The following PCDH9 variants were observed in gnomAD, a reference collection of about 807,000 sequenced individuals.
The protein encoded by PCDH9 is protocadherin-9.
PCDH9 carries 24 observed loss-of-function variants against 70.6 expected under a neutral mutation model. The observed-to-expected ratio is 0.34, with a 90% confidence interval of 0.25 to 0.48. The LOEUF (loss-of-function observed/expected upper bound fraction) is 0.48. Ranked by LOEUF, PCDH9 falls within the 20% of genes least tolerant of loss-of-function variation. The pLI, the probability that PCDH9 is intolerant of heterozygous loss-of-function variation, is 0.99. For missense variants in PCDH9, 1,281 were observed against 1,503.6 expected (o/e 0.85, Z 2.45); for synonymous variants, 562 against 558.5 (o/e 1.01, Z -0.09).
chr13:66,498,722 T>A (rs73209605), intron 4 of PCDH9, among the ~76,000 whole-genome samples: 2,164 of 152,010 alleles, frequency 0.014, 24 homozygotes, highest in East Asian at 0.071. Flanking sequence ...CTGAAAAAAT[T>A]TTTTTTTAAT....
intron 2 of PCDH9, among the ~76,000 whole-genome samples, chr13:67,040,134 T>C (rs1056797546): frequency 2.0e-5 from 3 of 152,214 alleles, no homozygotes; most frequent in Admixed American, 2.0e-4. Flanking sequence ...AAACTCAGAA[T>C]TGGGCTATTT....
At chr13:66,337,586 G>T (rs1434818181) in intron 4 of PCDH9, among the ~76,000 whole-genome samples, 1 of 127,182 alleles carries the variant, frequency 7.9e-6, no homozygotes, top group Non-Finnish European at 1.7e-5. Flanking sequence ...AACTCATCTG[G>T]AGGTACTTGT....
At chr13:66,906,343 A>C (rs944714355) in intron 2 of PCDH9, among the ~76,000 whole-genome samples, 1 of 152,222 alleles carries the variant, frequency 6.6e-6, no homozygotes, top group Non-Finnish European at 1.5e-5. Context: ...AACATGAAGA[A>C]TGTGAGGATT....
At chr13:66,427,325 C>G (rs1011026997) in intron 4 of PCDH9, among the ~76,000 whole-genome samples, 1 of 151,642 alleles carries the variant, frequency 6.6e-6, no homozygotes, top group East Asian at 1.9e-4. Context: ...ATTGACAAAA[C>G]AAGCAGAAAC....
chr13:66,869,821 T>A (rs568777475), intron 3 of PCDH9, among the ~76,000 whole-genome samples: 1 of 152,238 alleles, frequency 6.6e-6, no homozygotes, highest in East Asian at 1.9e-4. Context: ...TCACTACTAT[T>A]TCCTTAGTAG....
Position 67,226,468 on chromosome 13 carries a change from G to C in PCDH9, c.1973C>G (p.Thr658Ser), listed in dbSNP as rs2089873262. ...TDGGQPPRSS[T>S]AKVTINVMDV... ...CATGACGTTGATAGTTACTTTTGCA[G>C]TAGAGGAACGAGGTGGTTGTCCTCC... The change falls in exon 2 of 5, where the codon ACT becomes AGT. Residue 658 changes from threonine to serine, a missense_variant. Transcript: ENST00000377865. The surrounding 1 kb of genome is among the most constrained non-coding windows in gnomAD (Gnocchi z 5.0). 1 of 1,613,878 alleles carries C rather than the reference G, an allele frequency of 6.2e-7. No individual in the cohort carries two copies.
At chr13:66,405,630 T>C (rs1172163078) in intron 4 of PCDH9, among the ~76,000 whole-genome samples, 1 of 152,264 alleles carries the variant, frequency 6.6e-6, no homozygotes, top group East Asian at 1.9e-4. Context: ...AGAGGGTGAC[T>C]GAGCATGAAC....
At chr13:66,658,531 A>G (rs2077963007) in intron 3 of PCDH9, among the ~76,000 whole-genome samples, 1 of 152,102 alleles carries the variant, frequency 6.6e-6, no homozygotes, top group African/African-American at 2.4e-5. Flanking sequence ...TCTTTTCTCT[A>G]CAGCATTAAC....
At chr13:67,186,348 C>CA (rs1398697458) in intron 2 of PCDH9, among the ~76,000 whole-genome samples, 1 of 151,982 alleles carries the variant, frequency 6.6e-6, no homozygotes, top group Non-Finnish European at 1.5e-5. Flanking sequence ...TTTCAGGAAC[C>CA]AAAAACGTAT....
chr13:66,475,772 A>T (rs944313396), intron 4 of PCDH9, among the ~76,000 whole-genome samples: 1 of 152,066 alleles, frequency 6.6e-6, no homozygotes, highest in African/African-American at 2.4e-5. Context: ...GGGAGATGTA[A>T]GACCTACTTT....
chr13:66,688,201 T>C (rs1013405400), intron 3 of PCDH9, among the ~76,000 whole-genome samples: 1 of 152,182 alleles, frequency 6.6e-6, no homozygotes, highest in African/African-American at 2.4e-5. Flanking sequence ...ATTGACTCAA[T>C]GGATTTCATC....
Position 66,797,911 on chromosome 13 carries a change from A to G in PCDH9, c.3138+105593T>C, listed in dbSNP as rs17081862. Reference sequence around the variant, plus strand: ...GACTAAAACATGGTGTCCTCAGGTCATACACACAGAATGCATTAAACAATG... The same window carrying G: ...GACTAAAACATGGTGTCCTCAGGTCGTACACACAGAATGCATTAAACAATG... On this transcript the variant is annotated intron_variant, in intron 3 of 4. Coordinates refer to ENST00000377865, the MANE Select transcript of PCDH9 (RefSeq NM_203487.3). 8.6e-3 allele frequency among the ~76,000 whole-genome samples: 1,305 copies of G among 151,998 alleles called. 14 individuals carry two copies. The highest frequency in any genetic ancestry group is 0.029 in the African/African-American group (1,199 of 41,446).
rs993879326 is a variant in PCDH9, at chr13:66,474,416, T to C, written c.3340+156794A>G. 2.6e-5 allele frequency among the ~76,000 whole-genome samples: 4 copies of C among 152,126 alleles called. No individual in the cohort carries two copies. In the East Asian group the frequency reaches 7.7e-4, roughly 29 times the overall value. On this transcript the variant is annotated intron_variant, in intron 4 of 4. Coordinates refer to ENST00000377865, the MANE Select transcript of PCDH9 (RefSeq NM_203487.3). ...CGTACTGATCTGAAGCAGGGTACAA[T>C]AGATGGAGCTATGACTAACACAAGG...
At chr13:66,379,698 A>G (rs1199901976) in intron 4 of PCDH9, among the ~76,000 whole-genome samples, 3 of 152,172 alleles carry the variant, frequency 2.0e-5, no homozygotes, top group African/African-American at 4.8e-5. Flanking sequence ...CTGGCAATCA[A>G]GTCAGAACTC....
chr13:66,372,372 T>G (rs1166006106), intron 4 of PCDH9, among the ~76,000 whole-genome samples: 2 of 151,772 alleles, frequency 1.3e-5, no homozygotes, highest in Non-Finnish European at 2.9e-5. Flanking sequence ...AGGATTTAAC[T>G]GAGAGAGAGC....
chr13:67,194,847 A>G (rs929280771), intron 2 of PCDH9, among the ~76,000 whole-genome samples: 1 of 152,228 alleles, frequency 6.6e-6, no homozygotes, highest in African/African-American at 2.4e-5. Context: ...GTCGAAATAT[A>G]GGAACAAAAC....
chr13:67,174,513 A>G (rs2088392553), intron 2 of PCDH9, among the ~76,000 whole-genome samples: 1 of 152,204 alleles, frequency 6.6e-6, no homozygotes, highest in Admixed American at 6.5e-5. Flanking sequence ...CTAAAGCTGC[A>G]TTCGTCAGGT....
At chr13:66,479,247 C>T (rs7322100) in intron 4 of PCDH9, among the ~76,000 whole-genome samples, 2 of 152,124 alleles carry the variant, frequency 1.3e-5, no homozygotes, top group Non-Finnish European at 2.9e-5. Flanking sequence ...TGCTTATGGA[C>T]AATGTATGTG....
intron 3 of PCDH9, among the ~76,000 whole-genome samples, chr13:66,809,806 T>C (rs2139358367): frequency 6.6e-6 from 1 of 152,258 alleles, no homozygotes; most frequent in East Asian, 1.9e-4. Context: ...GCTTAATGAA[T>C]ATTTATTGAA....
Sources: gnomAD v4.1 joint callset for allele counts (sites outside exome capture counted in the v4.1 genomes callset) on GRCh38, gnomAD v4.1.1 for gene constraint, Gnocchi (gnomAD v3.1) non-coding constraint, MANE v1.5 for transcripts, NCBI Gene and HGNC (gene_info 2026-07-23, HGNC 2026-07-21) for gene names.